NFX1: variants seen among roughly 807,000 people sequenced by gnomAD.
NFX1 encodes nuclear transcription factor, X-box binding 1, also known as transcriptional repressor NF-X1.
NFX1 carries 69 observed loss-of-function variants against 137.2 expected under a neutral mutation model. The observed-to-expected ratio is 0.50, with a 90% CI of 0.41 to 0.61. NFX1 has a LOEUF of 0.61. Ranked by LOEUF, NFX1 falls within the 20% of genes least tolerant of loss-of-function variation. NFX1 has a pLI of 0.00. For synonymous variants in NFX1, 495 were observed against 474.1 expected (o/e 1.04, Z -0.57); for missense variants, 1,167 against 1,391.0 (o/e 0.84, Z 2.56).
intron 5 of NFX1, among the ~76,000 whole-genome samples, chr9:33,309,600 A>G (rs1216459116): frequency 6.6e-6 from 1 of 152,202 alleles, no homozygotes; most frequent in Non-Finnish European, 1.5e-5. Flanking sequence ...TCTCCAAGAA[A>G]GCTTTGCTTT....
At chr9:33,335,597 T>C (rs1285673824) in intron 11 of NFX1, among the ~76,000 whole-genome samples, 1 of 152,166 alleles carries the variant, frequency 6.6e-6, no homozygotes, top group Non-Finnish European at 1.5e-5. Flanking sequence ...CAGGCTGGTC[T>C]TGAATGCTTG....
intron 17 of NFX1, chr9:33,352,967 CCT>C: frequency 2.6e-6 from 1 of 385,168 alleles, no homozygotes; most frequent in Non-Finnish European, 4.7e-6. Flanking sequence ...GGGGTCTCGC[CCT>C]GTTTCCCAGG....
chr9:33,359,698 G>C (rs930027971), intron 19 of NFX1, among the ~76,000 whole-genome samples: 1 of 152,106 alleles, frequency 6.6e-6, no homozygotes. Flanking sequence ...TAAGTTATTT[G>C]AGGATACTCT....
intron 7 of NFX1, among the ~76,000 whole-genome samples, chr9:33,315,026 C>T (rs1436768297): frequency 6.6e-6 from 1 of 152,114 alleles, no homozygotes. Context: ...CAGTTTTTCT[C>T]TTCCTCTCCA....
chr9:33,341,545 A>G (rs1216794862), intron 12 of NFX1, among the ~76,000 whole-genome samples: 2 of 152,198 alleles, frequency 1.3e-5, no homozygotes, highest in Non-Finnish European at 2.9e-5. Context: ...ATACATAATT[A>G]TTTTTTAAAT....
intron 23 of NFX1, among the ~76,000 whole-genome samples, chr9:33,367,948 T>G (rs959129102): frequency 6.6e-6 from 1 of 152,108 alleles, no homozygotes; most frequent in Non-Finnish European, 1.5e-5. Context: ...GAATAGTTAC[T>G]CTGGGCCGGG....
At chr9:33,348,520 A>G (rs1333649053) in intron 15 of NFX1, 1 of 151,678 alleles carries the variant, frequency 6.6e-6, no homozygotes, top group African/African-American at 2.4e-5. Context: ...AAAAAAAATC[A>G]CTGATTGCAG....
At chr9:33,364,900 G>A (rs772189300) in intron 21 of NFX1, 126 bp downstream of exon 21, 28 of 1,503,556 alleles carry the variant, frequency 1.9e-5, no homozygotes, top group African/African-American at 2.8e-5. Flanking sequence ...ACTTCTTTGA[G>A]GATCCTTATC....
chr9:33,364,565 C>T, intron 20 of NFX1, 143 bp from the exon 21 acceptor site: 1 of 940,322 alleles, frequency 1.1e-6, no homozygotes, highest in Non-Finnish European at 1.5e-6. Flanking sequence ...GTCAGTCATC[C>T]TTCTGTTTTC....
chr9:33,366,246 T>C (rs548736120), intron 21 of NFX1, among the ~76,000 whole-genome samples: 70 of 152,338 alleles, frequency 4.6e-4, no homozygotes, highest in South Asian at 8.3e-4. Context: ...ATTTTTAAAG[T>C]AGAACATACT....
At chr9:33,312,621 A>G (rs1295513713) in intron 6 of NFX1, among the ~76,000 whole-genome samples, 7 of 152,234 alleles carry the variant, frequency 4.6e-5, no homozygotes, top group Admixed American at 3.9e-4. Flanking sequence ...CTGTAATCCC[A>G]GCATTTCGGG....
Position 33,290,536 on chromosome 9 carries a change from T to C in NFX1, c.-37T>C. On this transcript the variant is annotated 5_prime_UTR_variant, in exon 1 of 24. Transcript: ENST00000379540. ...CACGTGACCTGGTGACAGTGCTGAC[T>C]TGGCTGTACAGCTCGATCTAGGTTC... 1 of 1,613,674 alleles carries C rather than the reference T, an allele frequency of 6.2e-7. No homozygotes were observed. The highest frequency in any genetic ancestry group is 8.5e-7 in the Non-Finnish European group (1 of 1,179,740).
At chr9:33,308,986 G>C (rs1821861228) in intron 5 of NFX1, among the ~76,000 whole-genome samples, 2 of 152,150 alleles carry the variant, frequency 1.3e-5, no homozygotes, top group South Asian at 4.1e-4. Flanking sequence ...CCCTTTGACT[G>C]CTCGCATAGG....
chr9:33,299,160 C>T (rs983851565), intron 2 of NFX1, among the ~76,000 whole-genome samples: 1 of 152,168 alleles, frequency 6.6e-6, no homozygotes, highest in Non-Finnish European at 1.5e-5. Context: ...AACCAGACTG[C>T]CTTTGTTAAA....
chr9:33,329,361 C>T (rs887774429), intron 10 of NFX1, among the ~76,000 whole-genome samples: 1 of 152,178 alleles, frequency 6.6e-6, no homozygotes, highest in Non-Finnish European at 1.5e-5. Flanking sequence ...TCTCCAGTCT[C>T]TCCCGAGGTG....
chr9:33,306,805 C>T (rs773945379), intron 4 of NFX1, among the ~76,000 whole-genome samples: 77 of 152,276 alleles, frequency 5.1e-4, no homozygotes, highest in Non-Finnish European at 9.4e-4. Flanking sequence ...CCTTTCCCCA[C>T]GGTGCTCTTC....
intron 11 of NFX1, among the ~76,000 whole-genome samples, chr9:33,337,150 A>G (rs927765185): frequency 6.6e-6 from 1 of 152,178 alleles, no homozygotes; most frequent in Non-Finnish European, 1.5e-5. Context: ...AATTTTCGAT[A>G]GAAACACACT....
Position 33,366,633 on chromosome 9 carries a change from A to G in NFX1, c.3044A>G (p.Lys1015Arg). The part of the protein sequence containing the change: ...ETLVEAVNKG[K>R]NSKKSHSFPP... ...TCATCTTTTCCCTCAATACAGGGAA[A>G]GAATAGTAAGAAAAGCCACAGCTTC... The change falls in exon 22 of 24, where the codon AAG becomes AGG. Residue 1015 changes from lysine to arginine, a missense_variant. Coordinates refer to ENST00000379540, the MANE Select transcript of NFX1 (RefSeq NM_002504.6). 1 of 1,614,068 alleles carries G rather than the reference A, an allele frequency of 6.2e-7. No individual in the cohort carries two copies. The highest frequency in any genetic ancestry group is 8.5e-7 in the Non-Finnish European group (1 of 1,180,024).
At chr9:33,354,762 T>G in intron 18 of NFX1, 89 bp from the exon 19 acceptor site, 1 of 1,270,722 alleles carries the variant, frequency 7.9e-7, no homozygotes, top group African/African-American at 1.5e-5. Flanking sequence ...CAGCTGTGCT[T>G]CCAGGTTGAC....
Sources: gnomAD v4.1 joint callset for allele counts (sites outside exome capture counted in the v4.1 genomes callset) on GRCh38, gnomAD v4.1.1 for gene constraint, MANE v1.5 for transcripts, NCBI Gene and HGNC (gene_info 2026-07-23, HGNC 2026-07-21) for gene names.